The following COL25A1 variants were observed in gnomAD, a reference collection of about 807,000 sequenced individuals.
The protein encoded by COL25A1 is collagen type XXV alpha 1 chain.
In COL25A1, 103 loss-of-function variants were observed where a neutral mutation model predicts 128.4. The observed-to-expected ratio is 0.80, with a 90% confidence interval of 0.68 to 0.94. The LOEUF (loss-of-function observed/expected upper bound fraction) is 0.94, where lower values mean the gene tolerates loss of function less well. Ranked by LOEUF, COL25A1 falls within the 40% of genes least tolerant of loss-of-function variation. The pLI, the probability that COL25A1 is intolerant of heterozygous loss-of-function variation, is 0.00. For missense variants in COL25A1, 745 were observed against 840.0 expected, an observed-to-expected ratio of 0.89 and a Z score of 1.40; for synonymous variants, 279 against 277.2, an observed-to-expected ratio of 1.01 and a Z score of -0.06.
chr4:108,835,293 T>G (rs1411454970), intron 31 of COL25A1, among the ~76,000 whole-genome samples: 2 of 152,188 alleles, frequency 1.3e-5, no homozygotes, highest in Non-Finnish European at 2.9e-5. Flanking sequence ...TTATTTATAG[T>G]CCTTTAAAAA....
intron 3 of COL25A1, among the ~76,000 whole-genome samples, chr4:109,086,953 A>C (rs759028264): frequency 3.9e-5 from 6 of 152,218 alleles, no homozygotes; most frequent in South Asian, 2.1e-4. Flanking sequence ...AAAGTGGCCC[A>C]GTGGAAGTTG....
intron 6 of COL25A1, among the ~76,000 whole-genome samples, chr4:108,976,259 TTGTG>T (rs1406845239): frequency 7.2e-5 from 11 of 152,218 alleles, no homozygotes; most frequent in African/African-American, 2.7e-4. Flanking sequence ...TAAGAACTGA[TTGTG>T]TATGATGTGA....
chr4:108,994,798 C>T (rs1424486784), intron 6 of COL25A1, among the ~76,000 whole-genome samples: 4 of 152,232 alleles, frequency 2.6e-5, no homozygotes, highest in African/African-American at 4.8e-5. Context: ...TGCTGTTCTG[C>T]AGCCTCCGCT....
chr4:108,854,596 C>T (rs1736234215), intron 24 of COL25A1, among the ~76,000 whole-genome samples: 1 of 151,988 alleles, frequency 6.6e-6, no homozygotes, highest in African/African-American at 2.4e-5. Flanking sequence ...ATGCAGCCAA[C>T]AAACATATGA....
intron 6 of COL25A1, among the ~76,000 whole-genome samples, chr4:108,999,897 G>A (rs4956235): frequency 0.8 from 120,968 of 152,036 alleles, 49,299 homozygotes; most frequent in East Asian, 1. Context: ...GTTCTCACTC[G>A]TAGGTGGGAG....
At chr4:108,886,943 C>T (rs1027493926) in intron 18 of COL25A1, among the ~76,000 whole-genome samples, 5 of 151,960 alleles carry the variant, frequency 3.3e-5, no homozygotes, top group African/African-American at 1.2e-4. Flanking sequence ...GATAGGAGAT[C>T]AATTTTACTC....
chr4:108,988,854 A>G (rs1042751930), intron 6 of COL25A1, among the ~76,000 whole-genome samples: 1 of 151,954 alleles, frequency 6.6e-6, no homozygotes, highest in Non-Finnish European at 1.5e-5. Context: ...GGCTTTCTCA[A>G]TTTCCTTCCC....
At position 108,841,720 on chromosome 4, in the gene COL25A1, C is replaced by T; in HGVS notation, c.1631G>A (p.Gly544Glu). 1 of 1,610,822 alleles carries T rather than the reference C, an allele frequency of 6.2e-7. No homozygotes were observed. The highest frequency in any genetic ancestry group is 1.1e-5 in the South Asian group (1 of 90,922). ...CTTTGGTCCAGGAAGTCCATGAGGT[C>T]CCTGAAAATGGAAAACAGAGCTTTT... ...PGPHGPPGPM[G>E]PHGLPGPKGT... The change falls in exon 31 of 38, where the codon GGA (glycine) becomes GAA (glutamate). Residue 544 changes from glycine (G) to glutamate (E), a missense_variant and splice_region_variant. This residue lies in a region of COL25A1 where 387 missense variants were observed against 441.9 expected (regional missense o/e 0.88). Transcript: ENST00000399132.
intron 3 of COL25A1, among the ~76,000 whole-genome samples, chr4:109,282,730 T>C (rs1347281098): frequency 6.6e-6 from 1 of 152,214 alleles, no homozygotes; most frequent in Non-Finnish European, 1.5e-5. Context: ...GTTCACATTA[T>C]GGGTTCATAA....
chr4:109,062,367 T>C (rs769038028), intron 3 of COL25A1, among the ~76,000 whole-genome samples: 19 of 152,210 alleles, frequency 1.2e-4, no homozygotes, highest in Non-Finnish European at 2.8e-4. Flanking sequence ...TAAAATAGGA[T>C]GGTTTTAAAA....
chr4:109,175,245 A>G (rs185727952), intron 3 of COL25A1, among the ~76,000 whole-genome samples: 187 of 152,350 alleles, frequency 1.2e-3, no homozygotes, highest in Non-Finnish European at 2.1e-3. Flanking sequence ...ATAAAAAATG[A>G]CATCGAGTTT....
chr4:108,862,137 G>A (rs2125793149), intron 22 of COL25A1, among the ~76,000 whole-genome samples: 1 of 152,274 alleles, frequency 6.6e-6, no homozygotes, highest in Non-Finnish European at 1.5e-5. Context: ...CTAAAAAGCA[G>A]AGTATAATTC....
At chr4:109,092,400 G>A (rs1398900408) in intron 3 of COL25A1, among the ~76,000 whole-genome samples, 1 of 152,160 alleles carries the variant, frequency 6.6e-6, no homozygotes, top group Non-Finnish European at 1.5e-5. Context: ...TGAGAGGATT[G>A]CTTGAGCCCA....
intron 3 of COL25A1, among the ~76,000 whole-genome samples, chr4:109,161,263 T>C (rs1235349972): frequency 6.6e-6 from 1 of 152,114 alleles, no homozygotes; most frequent in Non-Finnish European, 1.5e-5. Flanking sequence ...AGGCATCTGG[T>C]GGGTAAAAGT....
At chr4:109,090,165 A>G (rs1270007088) in intron 3 of COL25A1, among the ~76,000 whole-genome samples, 1 of 152,184 alleles carries the variant, frequency 6.6e-6, no homozygotes, top group Non-Finnish European at 1.5e-5. Context: ...AAACAAAATT[A>G]CTTTTTCTCT....
At chr4:108,969,835 C>T (rs1751723510) in intron 8 of COL25A1, among the ~76,000 whole-genome samples, 1 of 149,104 alleles carries the variant, frequency 6.7e-6, no homozygotes, top group Non-Finnish European at 1.5e-5. Context: ...TCCTGGTCTA[C>T]TTGGTCACCC....
At chr4:109,080,449 GACTCCGTAAGTCTGTGAT>G (rs1438069266) in intron 3 of COL25A1, among the ~76,000 whole-genome samples, 10 of 152,154 alleles carry the variant, frequency 6.6e-5, no homozygotes, top group African/African-American at 2.4e-4. Context: ...TCACCTGTAG[GACTCCGTAAGTCTGTGAT>G]ACCCTTACCC....
At chr4:109,141,407 T>C (rs988929835) in intron 3 of COL25A1, among the ~76,000 whole-genome samples, 1 of 151,902 alleles carries the variant, frequency 6.6e-6, no homozygotes, top group Admixed American at 6.5e-5. Flanking sequence ...TTTTTGTGTG[T>C]GTCTCTGCCA....
chr4:109,204,413 G>A (rs1030851480), intron 3 of COL25A1, among the ~76,000 whole-genome samples: 9 of 152,022 alleles, frequency 5.9e-5, no homozygotes, highest in African/African-American at 1.9e-4. Context: ...GCTCTTTTCC[G>A]CCCATGTCTT....
Sources: allele counts gnomAD v4.1 joint callset (sites outside exome capture counted in the v4.1 genomes callset), GRCh38; gene constraint gnomAD v4.1.1; regional missense constraint gnomAD v4.1.1; transcripts MANE v1.5; gene names NCBI Gene and HGNC (gene_info 2026-07-23, HGNC 2026-07-21).